Variants in SAXO1 observed in about 807,000 individuals in gnomAD.
The protein encoded by SAXO1 is 4930500O09Rik.
In SAXO1, 21 loss-of-function variants were observed where a neutral mutation model predicts 17.5. The ratio of observed to expected loss-of-function variants is 1.20; its 90% CI spans 0.85 to 1.72. SAXO1 has a LOEUF of 1.72. Among genes scored for constraint, SAXO1 ranks in the 40% most tolerant of loss-of-function variants. The probability of loss-of-function intolerance (pLI) is 0.00; values close to 1 mark genes in which losing one functional copy is unlikely to be tolerated. For synonymous variants in SAXO1, 274 were observed against 216.5 expected (o/e 1.27, Z -2.33); for missense variants, 843 against 596.0 (o/e 1.41, Z -4.32).
At chr9:18,952,168 C>A (rs1223608842) in intron 1 of SAXO1, among the ~76,000 whole-genome samples, 2 of 152,180 alleles carry the variant, frequency 1.3e-5, no homozygotes, top group African/African-American at 2.4e-5. Context: ...ACAATCTTCA[C>A]AATCCAGCTG....
intron 3 of SAXO1, among the ~76,000 whole-genome samples, chr9:18,930,085 T>C (rs1245625909): frequency 6.6e-6 from 1 of 152,208 alleles, no homozygotes; most frequent in African/African-American, 2.4e-5. Flanking sequence ...CGTATTGTTG[T>C]CTCCAAAGCC....
intron 1 of SAXO1, among the ~76,000 whole-genome samples, chr9:19,038,500 T>A (rs34272218): frequency 6.7e-6 from 1 of 150,214 alleles, no homozygotes; most frequent in South Asian, 2.1e-4. Flanking sequence ...AGTAAACTAT[T>A]GCAAGGACAA....
intron 1 of SAXO1, among the ~76,000 whole-genome samples, chr9:19,006,783 T>C (rs574490763): frequency 6.6e-6 from 1 of 152,194 alleles, no homozygotes; most frequent in African/African-American, 2.4e-5. Flanking sequence ...TGGTGGCTCA[T>C]GCCTATAATC....
chr9:18,939,218 C>T (rs1002640717), intron 3 of SAXO1, among the ~76,000 whole-genome samples: 2 of 152,212 alleles, frequency 1.3e-5, no homozygotes. Flanking sequence ...AGCTCAATGT[C>T]TGTGCTGCCT....
At chr9:19,021,969 A>T (rs1008834944) in intron 1 of SAXO1, among the ~76,000 whole-genome samples, 1 of 152,264 alleles carries the variant, frequency 6.6e-6, no homozygotes, top group African/African-American at 2.4e-5. Context: ...CAACCTGCTC[A>T]GCAGTGGCAA....
intron 1 of SAXO1, among the ~76,000 whole-genome samples, chr9:19,015,778 C>CAT (rs1422402790): frequency 1.3e-5 from 2 of 151,870 alleles, no homozygotes; most frequent in Non-Finnish European, 2.9e-5. Flanking sequence ...GGCACCCAGA[C>CAT]ATATCTCTTC....
intron 1 of SAXO1, among the ~76,000 whole-genome samples, chr9:19,048,862 G>A (rs577338728): frequency 2.6e-5 from 4 of 152,344 alleles, no homozygotes; most frequent in African/African-American, 9.6e-5. Flanking sequence ...CGGAAAAGCA[G>A]ATGTGAGAAA....
At chr9:18,940,041 G>C (rs1316719305) in intron 3 of SAXO1, among the ~76,000 whole-genome samples, 2 of 152,254 alleles carry the variant, frequency 1.3e-5, no homozygotes, top group Non-Finnish European at 2.9e-5. Flanking sequence ...GCTGAAGAGA[G>C]AGGGACTCTC....
chr9:19,043,744 G>A (rs1836134918), intron 1 of SAXO1, among the ~76,000 whole-genome samples: 1 of 151,910 alleles, frequency 6.6e-6, no homozygotes, highest in Non-Finnish European at 1.5e-5. Flanking sequence ...CTCCAGCTTG[G>A]GCCACAGAGT....
intron 1 of SAXO1, among the ~76,000 whole-genome samples, chr9:18,977,941 G>A (rs1377567269): frequency 1.3e-5 from 2 of 148,994 alleles, no homozygotes; most frequent in African/African-American, 5.0e-5. Context: ...GGTTGCAGTG[G>A]GCCTAGATCA....
At chr9:19,020,920 A>G (rs370168344) in intron 1 of SAXO1, among the ~76,000 whole-genome samples, 1 of 152,214 alleles carries the variant, frequency 6.6e-6, no homozygotes, top group Admixed American at 6.5e-5. Flanking sequence ...ATGACCTGGG[A>G]ATCCACCTAA....
At chr9:19,020,938 T>C (rs1186718420) in intron 1 of SAXO1, among the ~76,000 whole-genome samples, 1 of 152,232 alleles carries the variant, frequency 6.6e-6, no homozygotes, top group Non-Finnish European at 1.5e-5. Flanking sequence ...TAACCTAATA[T>C]TGTCATCCAA....
intron 1 of SAXO1, among the ~76,000 whole-genome samples, chr9:19,022,953 G>A (rs1448303033): frequency 6.6e-6 from 1 of 152,130 alleles, no homozygotes. Context: ...GTTCAAAACT[G>A]AACAGCAACT....
At chr9:19,008,850 A>G (rs147585542) in intron 1 of SAXO1, among the ~76,000 whole-genome samples, 4,310 of 152,230 alleles carry the variant, frequency 0.028, 87 homozygotes, top group Non-Finnish European at 0.045. Context: ...TCTGGCAAAC[A>G]TACCTGTTCT....
chr9:18,950,930 G>C lies in SAXO1; in HGVS notation c.46C>G (p.His16Asp), dbSNP rs1250046943. ...ICELCSCGRHHCPHLPTKIYD... is the reference protein window; with the variant it reads ...ICELCSCGRHDCPHLPTKIYD... ...ATCTTGGTAGGGAGATGTGGACAGTGATGCCGCCTATAAAAGACACAGAGT... is the reference window on the plus strand; with the variant it reads ...ATCTTGGTAGGGAGATGTGGACAGTCATGCCGCCTATAAAAGACACAGAGT... The change falls in exon 2 of 4, where the codon CAC becomes GAC. Residue 16 changes from histidine (H) to aspartate (D), a missense_variant. By Grantham distance (81) the His-to-Asp change is moderately conservative. Coordinates refer to ENST00000380534, the MANE Select transcript of SAXO1 (RefSeq NM_153707.4). The C allele has an allele frequency of 1.2e-6, 2 of 1,611,388 alleles. No homozygotes were observed. The highest frequency in any genetic ancestry group is 1.7e-6 in the Non-Finnish European group (2 of 1,179,028).
intron 1 of SAXO1, among the ~76,000 whole-genome samples, chr9:19,038,746 T>TA (rs780149086): frequency 1.3e-4 from 20 of 151,436 alleles, no homozygotes; most frequent in Non-Finnish European, 2.8e-4. Flanking sequence ...CCCTAAAACT[T>TA]AAAGTATAAT....
intron 1 of SAXO1, among the ~76,000 whole-genome samples, chr9:19,010,856 AT>A (rs1171524624): frequency 1.3e-5 from 2 of 152,164 alleles, no homozygotes; most frequent in Non-Finnish European, 2.9e-5. Context: ...ATTAGACCCA[AT>A]TACTATAATT....
chr9:18,967,506 T>C (rs1832766772), intron 1 of SAXO1, among the ~76,000 whole-genome samples: 3 of 152,182 alleles, frequency 2.0e-5, no homozygotes, highest in African/African-American at 7.2e-5. Context: ...TGTTGGGGGT[T>C]CTAACCCAGT....
At position 19,002,792 on chromosome 9, in the gene SAXO1, A is replaced by G. The variant is rs199991188; in HGVS notation, c.38+30079T>C. 3.4e-4 allele frequency among the ~76,000 whole-genome samples: 52 copies of G among 152,322 alleles called. No homozygotes were observed. The South Asian group carries it at 4.6e-3, about 13-fold the overall frequency. ...ACAAACCCACAGCCAATATCATACT[A>G]ACTGGGCAAAAACTGGAAGCATTCC... On this transcript the variant is annotated intron_variant, in intron 1 of 3. Coordinates refer to ENST00000380534, the MANE Select transcript of SAXO1 (RefSeq NM_153707.4).
Sources: gnomAD v4.1 joint callset for allele counts (sites outside exome capture counted in the v4.1 genomes callset) on GRCh38, gnomAD v4.1.1 for gene constraint, MANE v1.5 for transcripts, NCBI Gene and HGNC (gene_info 2026-07-23, HGNC 2026-07-21) for gene names.